The following RORA variants were observed in gnomAD, a reference collection of about 807,000 sequenced individuals.
RORA encodes the protein nuclear receptor ROR-alpha.
In RORA, 7 loss-of-function variants were observed where a neutral mutation model predicts 69.5. The observed-to-expected ratio is 0.10, with a 90% CI of 0.06 to 0.19. RORA has a LOEUF of 0.19. RORA is among the 10% of genes least tolerant of loss of function. The pLI is 1.00. For synonymous variants in RORA, 261 were observed against 240.8 expected, an observed-to-expected ratio of 1.08 and a Z score of -0.78; for missense variants, 457 against 663.0, an observed-to-expected ratio of 0.69 and a Z score of 3.41.
chr15:60,597,321 G>A (rs2068688368), intron 2 of RORA, among the ~76,000 whole-genome samples: 1 of 150,992 alleles, frequency 6.6e-6, no homozygotes, highest in Admixed American at 6.6e-5. Flanking sequence ...TAAGGAAAAG[G>A]GTAAAGTTCA....
intron 1 of RORA, among the ~76,000 whole-genome samples, chr15:61,162,721 A>G (rs2079506351): frequency 6.6e-6 from 1 of 152,214 alleles, no homozygotes; most frequent in Admixed American, 6.5e-5. Context: ...TTAGCAAAAG[A>G]GCCGAGACCA....
intron 1 of RORA, among the ~76,000 whole-genome samples, chr15:60,838,126 C>G (rs1198058694): frequency 6.6e-6 from 1 of 152,114 alleles, no homozygotes; most frequent in Admixed American, 6.5e-5. Context: ...TCGAGCCATC[C>G]CAAGTGGTGG....
intron 2 of RORA, among the ~76,000 whole-genome samples, chr15:60,666,564 A>T (rs931909008): frequency 2.0e-5 from 3 of 152,078 alleles, no homozygotes; most frequent in Non-Finnish European, 4.4e-5. Context: ...CTGTCACCTT[A>T]AGAATGTACT....
At chr15:60,886,690 C>G (rs1280005126) in intron 1 of RORA, among the ~76,000 whole-genome samples, 1 of 152,152 alleles carries the variant, frequency 6.6e-6, no homozygotes, top group Admixed American at 6.5e-5. Flanking sequence ...CTTGCATGAA[C>G]AATTGTAAGG....
At chr15:60,813,400 G>T (rs945076046) in intron 1 of RORA, among the ~76,000 whole-genome samples, 1 of 152,110 alleles carries the variant, frequency 6.6e-6, no homozygotes, top group East Asian at 1.9e-4. Context: ...GTTTGCTCAC[G>T]TCCCACGAAG....
chr15:60,566,350 C>T lies in RORA; in HGVS notation c.197-34499G>A, dbSNP rs187166936. Among the ~76,000 whole-genome samples, 682 of 152,132 alleles carry T rather than the reference C, an allele frequency of 4.5e-3. 2 individuals carry two copies. The highest frequency in any genetic ancestry group is 7.1e-3 in the Non-Finnish European group (486 of 67,986). ...GTTTCAAAAAATAATTCCCTTTTGC[C>T]GTTAATAACATTTTAATGTTATTTT... On this transcript the variant is annotated intron_variant, in intron 2 of 10. Transcript: ENST00000335670.
At chr15:60,762,144 T>C (rs1480045415) in intron 1 of RORA, among the ~76,000 whole-genome samples, 1 of 152,214 alleles carries the variant, frequency 6.6e-6, no homozygotes, top group East Asian at 1.9e-4. Context: ...TGCAGCTGGC[T>C]TTATGAATCT....
intron 1 of RORA, among the ~76,000 whole-genome samples, chr15:61,045,500 A>G (rs1028082365): frequency 6.6e-6 from 1 of 152,210 alleles, no homozygotes; most frequent in Non-Finnish European, 1.5e-5. Context: ...GCGCTGAAGT[A>G]AAAAGGCTGA....
intron 1 of RORA, among the ~76,000 whole-genome samples, chr15:60,734,527 C>T (rs1444561319): frequency 2.0e-5 from 3 of 152,186 alleles, no homozygotes. Flanking sequence ...AAAGACAAGA[C>T]ACGTTTTTGA....
chr15:60,870,443 A>G (rs534767002), intron 1 of RORA, among the ~76,000 whole-genome samples: 2 of 152,310 alleles, frequency 1.3e-5, no homozygotes, highest in Non-Finnish European at 2.9e-5. Flanking sequence ...AGCAGTTCAT[A>G]TGTTGGTCCT....
At chr15:60,725,482 T>C (rs2071344950) in intron 1 of RORA, among the ~76,000 whole-genome samples, 1 of 152,212 alleles carries the variant, frequency 6.6e-6, no homozygotes, top group African/African-American at 2.4e-5. Context: ...GTAGATGAGA[T>C]GCTTTGATAC....
At chr15:60,811,615 C>T (rs1258176948) in intron 1 of RORA, among the ~76,000 whole-genome samples, 1 of 152,290 alleles carries the variant, frequency 6.6e-6, no homozygotes, top group South Asian at 2.1e-4. Context: ...GTCAAATATA[C>T]TTTGGACCAA....
chr15:60,965,380 T>C (rs1031825209), intron 1 of RORA, among the ~76,000 whole-genome samples: 7 of 152,224 alleles, frequency 4.6e-5, no homozygotes, highest in African/African-American at 1.7e-4. Flanking sequence ...GTTAGTGTCC[T>C]GGTGTTGTCC....
At chr15:60,517,849 A>G (rs924565748) in intron 3 of RORA, among the ~76,000 whole-genome samples, 1 of 152,076 alleles carries the variant, frequency 6.6e-6, no homozygotes, top group Non-Finnish European at 1.5e-5. Flanking sequence ...GAATATGAGG[A>G]ATGTCTGAAT....
intron 1 of RORA, among the ~76,000 whole-genome samples, chr15:61,008,176 T>C (rs962556169): frequency 1.3e-4 from 19 of 150,696 alleles, no homozygotes; most frequent in African/African-American, 4.2e-4. Context: ...TGTGGAGGTA[T>C]AAAGAATTTC....
chr15:61,135,896 G>C (rs1014140157), intron 1 of RORA, among the ~76,000 whole-genome samples: 9 of 152,152 alleles, frequency 5.9e-5, no homozygotes, highest in African/African-American at 2.2e-4. Context: ...TGAAACACTA[G>C]TAAAACTAAC....
At chr15:60,861,442 G>T (rs1351576275) in intron 1 of RORA, among the ~76,000 whole-genome samples, 2 of 152,112 alleles carry the variant, frequency 1.3e-5, no homozygotes, top group African/African-American at 4.8e-5. Context: ...CACCAGTGTG[G>T]CATGGTTGTG....
At chr15:60,672,408 C>T (rs2070487275) in intron 2 of RORA, among the ~76,000 whole-genome samples, 1 of 152,134 alleles carries the variant, frequency 6.6e-6, no homozygotes, top group Admixed American at 6.5e-5. Flanking sequence ...AGTTGTAGGA[C>T]CCTGGACCTC....
At chr15:60,895,585 CGG>C (rs1891211127) in intron 1 of RORA, among the ~76,000 whole-genome samples, 1 of 20,118 alleles carries the variant, frequency 5.0e-5, no homozygotes, top group Non-Finnish European at 2.3e-4. Flanking sequence ...TTCAATAGCT[CGG>C]CATCTTGTGG....
Sources: allele counts gnomAD v4.1 joint callset (sites outside exome capture counted in the v4.1 genomes callset), GRCh38; gene constraint gnomAD v4.1.1; transcripts MANE v1.5; gene names NCBI Gene and HGNC (gene_info 2026-07-23, HGNC 2026-07-21).